MDN1: variants seen among roughly 807,000 people sequenced by gnomAD.
The protein encoded by MDN1 is midasin.
In MDN1, 266 loss-of-function variants were observed where a neutral mutation model predicts 669.2. That is an observed-to-expected ratio of 0.40 (90% CI 0.36 to 0.44). The LOEUF is 0.44. Ranked by LOEUF, MDN1 falls within the 20% of genes least tolerant of loss-of-function variation. The probability of loss-of-function intolerance (pLI) is 1.00; values close to 1 mark genes in which losing one functional copy is unlikely to be tolerated. For synonymous variants in MDN1, 2,385 were observed against 2,457.1 expected (o/e 0.97, Z 0.87); for missense variants, 5,940 against 6,754.0 (o/e 0.88, Z 4.22).
rs921093226 is a variant in MDN1, at chr6:89,661,596, C to G, written c.14566-18G>C. The G allele has an allele frequency of 3.2e-6, 5 of 1,584,138 alleles. No individual in the cohort carries two copies. The highest frequency in any genetic ancestry group is 3.4e-6 in the Non-Finnish European group (4 of 1,171,098). On this transcript the variant is annotated intron_variant, in intron 87 of 101. Coordinates refer to ENST00000369393, the MANE Select transcript of MDN1 (RefSeq NM_014611.3). The stretch of plus-strand genomic sequence containing the variant: ...TAGTCCCTCTTTGGGACAATGGAGA[C>G]AACAGGGATAAAATAAAAATACAAA...
At chr6:89,677,746 G>A in intron 75 of MDN1, 50 bp from the exon 76 acceptor site, 1 of 1,611,018 alleles carries the variant, frequency 6.2e-7, no homozygotes, top group East Asian at 2.2e-5. Context: ...GTAGAGAATG[G>A]ATGTGCCCCC....
intron 11 of MDN1, 128 bp from the exon 12 acceptor site, chr6:89,776,823 G>A: frequency 1.5e-6 from 1 of 647,868 alleles, no homozygotes; most frequent in Non-Finnish European, 2.4e-6. Context: ...AAAAATGAAG[G>A]GAGTGCAAAT....
At chr6:89,784,443 T>C (rs557221625) in intron 9 of MDN1, among the ~76,000 whole-genome samples, 1 of 152,366 alleles carries the variant, frequency 6.6e-6, no homozygotes, top group Non-Finnish European at 1.5e-5. Context: ...CAATGCTTTG[T>C]CTGCCACTCT....
chr6:89,720,853 C>T (rs117112155), intron 40 of MDN1, among the ~76,000 whole-genome samples: 17 of 152,226 alleles, frequency 1.1e-4, no homozygotes, highest in Admixed American at 2.6e-4. Context: ...TCTGGGTGGC[C>T]GGGCACAGTG....
chr6:89,776,072 A>T (rs946829177), intron 12 of MDN1, among the ~76,000 whole-genome samples: 1 of 152,254 alleles, frequency 6.6e-6, no homozygotes, highest in Non-Finnish European at 1.5e-5. Flanking sequence ...TATTACTAAA[A>T]CATAGTTACA....
intron 101 of MDN1, 36 bp from the exon 102 acceptor site, chr6:89,644,229 C>G (rs756605231): frequency 6.5e-6 from 10 of 1,542,372 alleles, no homozygotes; most frequent in Non-Finnish European, 8.8e-6. Context: ...GGGGAGGCAG[C>G]GATTAAACCA....
intron 29 of MDN1, 112 bp downstream of exon 29, chr6:89,745,161 A>ATT: frequency 2.4e-6 from 2 of 819,614 alleles, no homozygotes; most frequent in Non-Finnish European, 3.5e-6. Context: ...AAGAAAAAAG[A>ATT]GGAAGGAGGA....
At chr6:89,780,950 G>A (rs1818642853) in intron 10 of MDN1, among the ~76,000 whole-genome samples, 1 of 151,796 alleles carries the variant, frequency 6.6e-6, no homozygotes, top group Admixed American at 6.6e-5. Context: ...CGCCTAGCCT[G>A]AGGAGATGCC....
At chr6:89,756,904 G>C (rs1458193428) in intron 19 of MDN1, among the ~76,000 whole-genome samples, 1 of 150,350 alleles carries the variant, frequency 6.7e-6, no homozygotes. Context: ...CTGGGCGACA[G>C]AGGGAGACTC....
intron 13 of MDN1, among the ~76,000 whole-genome samples, chr6:89,773,038 T>G (rs1017427708): frequency 1.3e-5 from 2 of 152,220 alleles, no homozygotes; most frequent in Admixed American, 6.5e-5. Context: ...TCCTCACCTG[T>G]AAGATGTGGG....
Position 89,738,293 on chromosome 6 carries a change from C to A in MDN1, c.4723+33G>T, listed in dbSNP as rs201101699. The A allele has an allele frequency of 4.1e-4, 667 of 1,609,726 alleles. 3 individuals are homozygous for A. The African/African-American group carries it at 8.0e-3, about 19-fold the overall frequency. Reference sequence around the variant, plus strand: ...CTCCCAACACAAACCCTTCTATGACCCAATACTACCATCACCACCTGCAAA... The same window carrying A: ...CTCCCAACACAAACCCTTCTATGACACAATACTACCATCACCACCTGCAAA... On this transcript the variant is annotated intron_variant, in intron 33 of 101. Coordinates refer to ENST00000369393, the MANE Select transcript of MDN1 (RefSeq NM_014611.3).
intron 40 of MDN1, 135 bp downstream of exon 40, chr6:89,722,820 T>A (rs1814929998): frequency 6.4e-6 from 5 of 779,324 alleles, no homozygotes; most frequent in Non-Finnish European, 7.8e-6. Flanking sequence ...CACTCCAGCC[T>A]GGGCAACAAG....
intron 43 of MDN1, among the ~76,000 whole-genome samples, chr6:89,718,076 A>T (rs577469164): frequency 1.3e-5 from 2 of 152,350 alleles, no homozygotes; most frequent in African/African-American, 4.8e-5. Flanking sequence ...GAGTAAAAAA[A>T]TAGCCAGTAA....
chr6:89,684,172 G>A (rs549330256), intron 71 of MDN1, among the ~76,000 whole-genome samples: 6 of 152,034 alleles, frequency 3.9e-5, no homozygotes, highest in Non-Finnish European at 8.8e-5. Context: ...GTGAAACCCC[G>A]TCTCTACTAA....
chr6:89,717,316 T>C (rs1814443430), intron 43 of MDN1, among the ~76,000 whole-genome samples: 1 of 152,234 alleles, frequency 6.6e-6, no homozygotes, highest in African/African-American at 2.4e-5. Context: ...CCATTTTTCA[T>C]ATCACAAGGT....
rs748076043 is a variant in MDN1 at position 89,673,436 on chromosome 6, G to A, written c.13274C>T (p.Ala4425Val). ...TGACACCTGGGACAAGCAACTCAGC[G>A]CAGAAGAGCAAACTTCAAAATCTTT... ...SWKDFEVCSS[A>V]LSCLSQVSVH... The change falls in exon 80 of 102, where the codon GCG becomes GTG. Residue 4425 changes from alanine (A) to valine (V), a missense_variant. Physicochemically the swap from Ala to Val is moderately conservative, Grantham distance 64. Around this residue, in one of 5 missense-constraint regions of MDN1, gnomAD observed 2,280 missense variants for 2,576.3 expected, o/e 0.88. Coordinates refer to ENST00000369393, the MANE Select transcript of MDN1 (RefSeq NM_014611.3). 17 of 1,614,116 alleles carry A rather than the reference G, an allele frequency of 1.1e-5. No individual in the cohort carries two copies. The highest frequency in any genetic ancestry group is 1.4e-5 in the Non-Finnish European group (17 of 1,179,994).
chr6:89,809,291 T>C (rs895437773), intron 1 of MDN1, among the ~76,000 whole-genome samples: 1 of 151,114 alleles, frequency 6.6e-6, no homozygotes, highest in Admixed American at 6.6e-5. Flanking sequence ...GCTTCATATA[T>C]ATTTAAAACT....
chr6:89,749,345 G>T lies in MDN1; in HGVS notation c.3640C>A (p.Arg1214=). The change falls in exon 26 of 102, where the codon CGG becomes AGG. Residue 1214 remains arginine, a synonymous_variant. Coordinates refer to ENST00000369393, the MANE Select transcript of MDN1 (RefSeq NM_014611.3). ...RKVLSRAFRN[R]FVELHFDELP... is the part of the protein sequence containing the mutation. ...TCATCAAAGTGCAATTCCACAAACC[G>T]ATTCCTGAAGGCTCTAGAAAGGACC... is the stretch of plus-strand genomic sequence containing the variant. 1 of 1,614,084 alleles carries T rather than the reference G, an allele frequency of 6.2e-7. No individual in the cohort carries two copies. Among genetic ancestry groups the T allele is most frequent in the Non-Finnish European group, 8.5e-7 (1 of 1,180,002 alleles).
chr6:89,655,010 T>C (rs1016577253), intron 92 of MDN1, among the ~76,000 whole-genome samples: 2 of 152,132 alleles, frequency 1.3e-5, no homozygotes, highest in Admixed American at 6.5e-5. Flanking sequence ...CTCTAGCTCA[T>C]AGGATTAGTT....
Sources: allele counts gnomAD v4.1 joint callset (sites outside exome capture counted in the v4.1 genomes callset), GRCh38; gene constraint gnomAD v4.1.1; regional missense constraint gnomAD v4.1.1; transcripts MANE v1.5; gene names NCBI Gene and HGNC (gene_info 2026-07-23, HGNC 2026-07-21).